Variants in SGCD observed in about 807,000 individuals in gnomAD.
The protein encoded by SGCD is sarcoglycan delta.
SGCD carries 18 observed loss-of-function variants against 36.6 expected under a neutral mutation model. The observed-to-expected ratio is 0.49, with a 90% CI of 0.34 to 0.73. SGCD has a LOEUF of 0.73. Among genes scored for constraint, SGCD ranks in the 30% least tolerant of loss-of-function variants. The pLI is 0.01. For missense variants in SGCD, 387 were observed against 346.7 expected (o/e 1.12, Z -0.92); for synonymous variants, 133 against 130.6 (o/e 1.02, Z -0.12).
intron 3 of SGCD, among the ~76,000 whole-genome samples, chr5:156,247,747 C>T (rs1214487255): frequency 6.6e-6 from 1 of 152,186 alleles, no homozygotes; most frequent in Admixed American, 6.5e-5. Flanking sequence ...AAACAGTTAA[C>T]CTTTTCATTT....
chr5:156,334,611 T>TTTC (rs1554094038), intron 2 of SGCD, among the ~76,000 whole-genome samples: 12 of 50,284 alleles, frequency 2.4e-4, no homozygotes, highest in African/African-American at 7.3e-4. Flanking sequence ...TCTATTTTCT[T>TTTC]TTTTTTTTTT....
intron 1 of SGCD, among the ~76,000 whole-genome samples, chr5:156,000,856 G>A (rs1758649987): frequency 2.0e-5 from 3 of 151,816 alleles, no homozygotes; most frequent in South Asian, 4.2e-4. Flanking sequence ...TTTATGTCTG[G>A]GATGGGGCCT....
intron 4 of SGCD, among the ~76,000 whole-genome samples, chr5:156,563,228 C>A (rs1759340051): frequency 1.3e-5 from 2 of 152,120 alleles, no homozygotes; most frequent in African/African-American, 2.4e-5. Flanking sequence ...GTGATCCACC[C>A]ACCTCGGCCT....
intron 3 of SGCD, among the ~76,000 whole-genome samples, chr5:156,223,961 T>C (rs1053017965): frequency 4.6e-5 from 7 of 151,806 alleles, no homozygotes; most frequent in Admixed American, 3.3e-4. Context: ...ATGAATCCAA[T>C]TATGATCTAT....
intron 1 of SGCD, among the ~76,000 whole-genome samples, chr5:156,052,002 A>G (rs933494104): frequency 6.8e-6 from 1 of 146,264 alleles, no homozygotes; most frequent in South Asian, 2.2e-4. Context: ...CATGGCCACA[A>G]AAATTTATGC....
chr5:156,445,921 G>A (rs1322803658), intron 3 of SGCD, among the ~76,000 whole-genome samples: 1 of 152,092 alleles, frequency 6.6e-6, no homozygotes, highest in African/African-American at 2.4e-5. Context: ...AATGTCAGGG[G>A]AATATGTACT....
intron 3 of SGCD, among the ~76,000 whole-genome samples, chr5:156,201,667 T>C (rs1255768756): frequency 4.6e-5 from 7 of 151,590 alleles, no homozygotes. Context: ...CAAATTAAAA[T>C]CGAATGAATG....
At chr5:156,212,597 A>G (rs375742403) in intron 3 of SGCD, among the ~76,000 whole-genome samples, 28 of 152,240 alleles carry the variant, frequency 1.8e-4, no homozygotes, top group Middle Eastern at 6.8e-3. Flanking sequence ...TCATTCAGAA[A>G]AAAGTCAACA....
At chr5:156,322,796 T>C (rs1767706015), upstream of SGCD, among the ~76,000 whole-genome samples, 1 of 152,184 alleles carries the variant, frequency 6.6e-6, no homozygotes, top group Non-Finnish European at 1.5e-5. Context: ...GCTAAAGAAG[T>C]GTGTGACAGA....
the SGCD span, among the ~76,000 whole-genome samples, chr5:155,804,173 C>A: frequency 6.6e-6 from 1 of 152,124 alleles, no homozygotes; most frequent in African/African-American, 2.4e-5. Flanking sequence ...TATGAAAATA[C>A]CAGCATTTAT....
At chr5:156,489,934 C>G (rs1235496211) in intron 3 of SGCD, among the ~76,000 whole-genome samples, 3 of 151,830 alleles carry the variant, frequency 2.0e-5, no homozygotes, top group South Asian at 2.1e-4. Flanking sequence ...AGTAAAAAAT[C>G]TGATTTTTGG....
chr5:156,100,442 G>T (rs540270655), intron 1 of SGCD, among the ~76,000 whole-genome samples: 1 of 152,170 alleles, frequency 6.6e-6, no homozygotes. Flanking sequence ...CTAGTGCATT[G>T]CATGTATGTG....
At chr5:156,252,438 G>A (rs1765606455) in intron 3 of SGCD, among the ~76,000 whole-genome samples, 1 of 152,168 alleles carries the variant, frequency 6.6e-6, no homozygotes, top group Non-Finnish European at 1.5e-5. Context: ...AATCATACAG[G>A]ATGTTGTCCA....
At position 155,937,938 on chromosome 5, in the gene SGCD, G is replaced by A. The variant is rs528933627; in HGVS notation, c.-282+67514G>A. 5.9e-5 allele frequency among the ~76,000 whole-genome samples: 9 copies of A among 152,348 alleles called. No homozygotes were observed. The South Asian group carries it at 1.9e-3, about 32-fold the overall frequency. ...GGTTCACAAGTTTGATGATTTACCT[G>A]TGGCCTGTAGCTTGCCAATGACCTA... On this transcript the variant is annotated intron_variant, in intron 1 of 9. Coordinates refer to the SGCD transcript ENST00000517913.
intron 3 of SGCD, among the ~76,000 whole-genome samples, chr5:156,461,116 A>G (rs1265908749): frequency 2.0e-5 from 3 of 152,126 alleles, no homozygotes; most frequent in Admixed American, 6.6e-5. Context: ...GTACCTTTCA[A>G]TGTGAGTCTG....
chr5:156,697,753 ATG>A (rs1754377060), intron 7 of SGCD, among the ~76,000 whole-genome samples: 1 of 112,386 alleles, frequency 8.9e-6, no homozygotes, highest in Non-Finnish European at 1.7e-5. Flanking sequence ...GGACGGACGG[ATG>A]GATGGATGGA....
intron 3 of SGCD, among the ~76,000 whole-genome samples, chr5:156,295,697 G>A (rs1048441705): frequency 1.4e-4 from 21 of 152,118 alleles, no homozygotes; most frequent in Non-Finnish European, 2.1e-4. Flanking sequence ...ATGGCCTAAC[G>A]CATAAATGTT....
At chr5:156,718,738 G>A (rs967652529) in intron 7 of SGCD, among the ~76,000 whole-genome samples, 6 of 151,400 alleles carry the variant, frequency 4.0e-5, no homozygotes, top group East Asian at 1.9e-4. Flanking sequence ...GGAGGTTGAG[G>A]CAGGAGGATC....
intron 1 of SGCD, among the ~76,000 whole-genome samples, chr5:156,005,890 G>A (rs1317942022): frequency 1.3e-5 from 2 of 152,188 alleles, no homozygotes; most frequent in East Asian, 1.9e-4. Flanking sequence ...TCAGTGATCC[G>A]ATGGCACAAG....
Sources: allele counts gnomAD v4.1 joint callset (sites outside exome capture counted in the v4.1 genomes callset), GRCh38; gene constraint gnomAD v4.1.1; transcripts MANE v1.5; gene names NCBI Gene and HGNC (gene_info 2026-07-23, HGNC 2026-07-21).